RAD51B: variants seen among roughly 807,000 people sequenced by gnomAD.
The protein encoded by RAD51B is RAD51 paralog B.
Under a neutral mutation model 42.2 loss-of-function variants are expected in RAD51B, and 38 were observed. That is an observed-to-expected ratio of 0.90 (90% CI 0.70 to 1.18). RAD51B has a LOEUF of 1.18. RAD51B is among the 50% of genes most tolerant of loss of function. The probability of loss-of-function intolerance (pLI) is 0.00; values close to 1 mark genes in which losing one functional copy is unlikely to be tolerated. For missense variants in RAD51B, 373 were observed against 400.7 expected (o/e 0.93, Z 0.59); for synonymous variants, 154 against 145.2 (o/e 1.06, Z -0.43).
At chr14:68,552,463 C>T (rs1359155993) in intron 10 of RAD51B, among the ~76,000 whole-genome samples, 1 of 152,182 alleles carries the variant, frequency 6.6e-6, no homozygotes, top group African/African-American at 2.4e-5. Flanking sequence ...CTGCCCCATT[C>T]CCTTTTGAGA....
At chr14:68,231,611 T>C (rs2080151224) in intron 7 of RAD51B, among the ~76,000 whole-genome samples, 1 of 152,210 alleles carries the variant, frequency 6.6e-6, no homozygotes, top group Non-Finnish European at 1.5e-5. Context: ...CTCAACAAGT[T>C]CCTTGTGATC....
intron 7 of RAD51B, among the ~76,000 whole-genome samples, chr14:68,217,671 G>A (rs1181038404): frequency 6.6e-6 from 1 of 152,150 alleles, no homozygotes; most frequent in East Asian, 1.9e-4. Context: ...TTCTTGATGG[G>A]ACTTGTGTGG....
At position 68,183,265 on chromosome 14, in the gene RAD51B, A is replaced by G. The variant is rs894662518; in HGVS notation, c.757-108619A>G. 3.3e-5 allele frequency among the ~76,000 whole-genome samples: 5 copies of G among 152,240 alleles called. No individual in the cohort carries two copies. The East Asian group carries it at 9.6e-4, about 29-fold the overall frequency. ...GCTTTCAGTCTGTGTCCAAAGGCCCAAGAGCCCCTGGCAAATCACTGGTGT... is the reference window on the plus strand; with the variant it reads ...GCTTTCAGTCTGTGTCCAAAGGCCCGAGAGCCCCTGGCAAATCACTGGTGT... On this transcript the variant is annotated intron_variant, in intron 7 of 10. Transcript: ENST00000471583.
At chr14:68,224,149 C>T (rs902750193) in intron 7 of RAD51B, among the ~76,000 whole-genome samples, 3 of 152,140 alleles carry the variant, frequency 2.0e-5, no homozygotes, top group African/African-American at 4.8e-5. Flanking sequence ...CTTTGTTTTC[C>T]GGATCTTTTA....
At chr14:68,369,685 G>C (rs1199546803) in intron 8 of RAD51B, among the ~76,000 whole-genome samples, 1 of 152,140 alleles carries the variant, frequency 6.6e-6, no homozygotes, top group Non-Finnish European at 1.5e-5. Context: ...TGGCTGCTAG[G>C]TTTCATTCCA....
chr14:68,038,667 T>G (rs2076170876), intron 7 of RAD51B, among the ~76,000 whole-genome samples: 2 of 152,176 alleles, frequency 1.3e-5, no homozygotes, highest in Non-Finnish European at 2.9e-5. Flanking sequence ...GATATGTAAA[T>G]TGGGTGGTAG....
intron 10 of RAD51B, among the ~76,000 whole-genome samples, chr14:68,560,107 C>T (rs905012706): frequency 1.3e-5 from 2 of 152,150 alleles, no homozygotes; most frequent in African/African-American, 4.8e-5. Flanking sequence ...GATTTTTCCT[C>T]GGAGTGACTT....
intron 8 of RAD51B, among the ~76,000 whole-genome samples, chr14:68,392,291 T>C (rs1566852897): frequency 6.6e-6 from 1 of 152,164 alleles, no homozygotes; most frequent in Non-Finnish European, 1.5e-5. Flanking sequence ...GCAAACCCTG[T>C]TTTTTTGGAA....
At chr14:68,372,912 A>T (rs2083291333) in intron 8 of RAD51B, among the ~76,000 whole-genome samples, 1 of 152,218 alleles carries the variant, frequency 6.6e-6, no homozygotes, top group Admixed American at 6.5e-5. Flanking sequence ...TCACTGTTGG[A>T]TCTGTAGTAC....
chr14:68,233,850 G>GA (rs1056214805), intron 7 of RAD51B, among the ~76,000 whole-genome samples: 2 of 152,188 alleles, frequency 1.3e-5, no homozygotes, highest in Non-Finnish European at 2.9e-5. Flanking sequence ...AATTGTAGTA[G>GA]AAAATGAGCC....
At chr14:68,427,970 G>C (rs919099646) in intron 9 of RAD51B, among the ~76,000 whole-genome samples, 2 of 152,218 alleles carry the variant, frequency 1.3e-5, no homozygotes, top group African/African-American at 4.8e-5. Flanking sequence ...GATTAATGCT[G>C]TTATTGTGAA....
At chr14:68,450,339 G>A (rs558180859) in intron 9 of RAD51B, among the ~76,000 whole-genome samples, 4 of 149,632 alleles carry the variant, frequency 2.7e-5, no homozygotes, top group Non-Finnish European at 3.0e-5. Flanking sequence ...CTGCCTCAGC[G>A]TCTCGAGTAG....
intron 8 of RAD51B, among the ~76,000 whole-genome samples, chr14:68,394,432 C>T (rs1018003609): frequency 6.6e-6 from 1 of 152,210 alleles, no homozygotes; most frequent in Non-Finnish European, 1.5e-5. Flanking sequence ...AATCCTGAAC[C>T]TCTTTGGGGG....
At chr14:67,847,746 G>T (rs1422022561) in intron 4 of RAD51B, among the ~76,000 whole-genome samples, 1 of 152,196 alleles carries the variant, frequency 6.6e-6, no homozygotes, top group Non-Finnish European at 1.5e-5. Context: ...TGAGAAGAAT[G>T]TATATTCTGT....
intron 7 of RAD51B, among the ~76,000 whole-genome samples, chr14:67,964,332 C>A (rs562166416): frequency 1.4e-4 from 22 of 152,064 alleles, no homozygotes; most frequent in Admixed American, 9.8e-4. Flanking sequence ...CTGTGGTTAC[C>A]AAAATTAAAA....
chr14:68,112,656 G>A (rs1021413978), intron 7 of RAD51B, among the ~76,000 whole-genome samples: 4 of 152,142 alleles, frequency 2.6e-5, no homozygotes, highest in African/African-American at 9.7e-5. Context: ...TGGCAGCTGG[G>A]CTGCAGCTGT....
At chr14:68,462,767 G>A (rs1286632630) in intron 9 of RAD51B, among the ~76,000 whole-genome samples, 3 of 152,194 alleles carry the variant, frequency 2.0e-5, no homozygotes, top group African/African-American at 7.2e-5. Context: ...TGCAGTTAAA[G>A]CCAAGCTGGT....
At chr14:68,389,470 T>C (rs1327751230) in intron 8 of RAD51B, among the ~76,000 whole-genome samples, 4 of 152,234 alleles carry the variant, frequency 2.6e-5, no homozygotes, top group African/African-American at 9.6e-5. Flanking sequence ...ATAGAAAATA[T>C]AGATAGCTCC....
At chr14:67,875,394 C>T (rs1020963639) in intron 5 of RAD51B, among the ~76,000 whole-genome samples, 19 of 152,128 alleles carry the variant, frequency 1.2e-4, no homozygotes, top group African/African-American at 4.6e-4. Context: ...AGATAGTTAT[C>T]TTTAACACCT....
Sources: allele counts gnomAD v4.1 joint callset (sites outside exome capture counted in the v4.1 genomes callset), GRCh38; gene constraint gnomAD v4.1.1; transcripts MANE v1.5; gene names NCBI Gene and HGNC (gene_info 2026-07-23, HGNC 2026-07-21).